PGAP1: variants seen among roughly 807,000 people sequenced by gnomAD.
PGAP1 encodes the protein GPI inositol-deacylase.
PGAP1 carries 76 observed loss-of-function variants against 127.0 expected under a neutral mutation model. That is an observed-to-expected ratio of 0.60 (90% CI 0.50 to 0.72). The LOEUF (loss-of-function observed/expected upper bound fraction) is 0.72. Among genes scored for constraint, PGAP1 ranks in the 30% least tolerant of loss-of-function variants. The probability of loss-of-function intolerance (pLI) is 0.00; values close to 1 mark genes in which losing one functional copy is unlikely to be tolerated. For missense variants in PGAP1, 982 were observed against 1,071.3 expected (o/e 0.92, Z 1.16); for synonymous variants, 362 against 366.5 (o/e 0.99, Z 0.14).
intron 18 of PGAP1, among the ~76,000 whole-genome samples, chr2:196,871,599 A>C (rs1437060836): frequency 4.6e-5 from 7 of 152,148 alleles, no homozygotes; most frequent in Non-Finnish European, 1.0e-4. Flanking sequence ...AAAACCCTGA[A>C]CTGTTAGAAA....
At chr2:196,882,440 C>T (rs1352872384) in intron 12 of PGAP1, among the ~76,000 whole-genome samples, 1 of 152,158 alleles carries the variant, frequency 6.6e-6, no homozygotes, top group Non-Finnish European at 1.5e-5. Context: ...TTGCTTTGGA[C>T]AGTATGGCCA....
At chr2:196,925,903 A>G (rs1456230012) in intron 1 of PGAP1, among the ~76,000 whole-genome samples, 2 of 152,114 alleles carry the variant, frequency 1.3e-5, no homozygotes, top group Non-Finnish European at 2.9e-5. Flanking sequence ...CCCATAGGCA[A>G]AACCCTGGAG....
rs1443272093 is a variant in PGAP1 at position 196,865,072 on chromosome 2, T to C, written c.1776A>G (p.Arg592=). 3.2e-6 allele frequency: 5 copies of C among 1,550,266 alleles called. No homozygotes were observed. The highest frequency in any genetic ancestry group is 4.3e-6 in the Non-Finnish European group (5 of 1,154,386). The change falls in exon 20 of 27, where the codon AGA becomes AGG. Residue 592 remains arginine (R), a synonymous_variant. Transcript: ENST00000354764. ...SFSQILGQVV[R]FHGGALPAYV... Reference sequence around the variant, plus strand: ...AAGCAGGAAGAGCTCCACCATGAAATCTAACTACCTAAAAAACAGGTAAGT... The same window carrying C: ...AAGCAGGAAGAGCTCCACCATGAAACCTAACTACCTAAAAAACAGGTAAGT...
chr2:196,881,552 A>G (rs1701732878), intron 12 of PGAP1, among the ~76,000 whole-genome samples: 1 of 152,160 alleles, frequency 6.6e-6, no homozygotes, highest in Non-Finnish European at 1.5e-5. Flanking sequence ...CTTTTTAATA[A>G]TAGCCATTCT....
chr2:196,926,010 G>C (rs1703347612), intron 1 of PGAP1, among the ~76,000 whole-genome samples: 1 of 152,074 alleles, frequency 6.6e-6, no homozygotes, highest in Non-Finnish European at 1.5e-5. Flanking sequence ...CAGATCACCG[G>C]GCGCGAGGGG....
intron 8 of PGAP1, 44 bp from the exon 9 acceptor site, chr2:196,892,445 A>G: frequency 2.4e-6 from 2 of 842,352 alleles, no homozygotes; most frequent in Non-Finnish European, 1.9e-6. Flanking sequence ...TTTTGTTTTT[A>G]TACTACATAG....
chr2:196,885,526 T>G (rs1203232041), intron 11 of PGAP1, 51 bp from the exon 12 acceptor site: 12 of 1,265,596 alleles, frequency 9.5e-6, no homozygotes, highest in Non-Finnish European at 1.4e-5. Flanking sequence ...ATGGAAGTAT[T>G]ACAAATTATA....
chr2:196,869,674 T>A (rs1249169595), intron 19 of PGAP1, among the ~76,000 whole-genome samples: 1 of 152,200 alleles, frequency 6.6e-6, no homozygotes. Context: ...CATGATGCTA[T>A]TTTCCAACTT....
intron 20 of PGAP1, among the ~76,000 whole-genome samples, chr2:196,848,729 T>A (rs1700631147): frequency 6.6e-6 from 1 of 152,230 alleles, no homozygotes; most frequent in Admixed American, 6.5e-5. Context: ...GGGTTGTTTC[T>A]GCTTTTTGGC....
Position 196,892,332 on chromosome 2 carries a change from G to A in PGAP1, c.1089+14C>T. 1 of 1,306,328 alleles carries A rather than the reference G, an allele frequency of 7.7e-7. No homozygotes were observed. The highest frequency in any genetic ancestry group is 1.1e-6 in the Non-Finnish European group (1 of 936,046). The allele number at this position is 1,306,328 out of a possible 1,614,324, so 80.9% of individuals were successfully genotyped here. On this transcript the variant is annotated intron_variant, in intron 9 of 26. Transcript: ENST00000354764. ...GAAAAAACATGAAAAAAAATCCATTGGTGGAATACTTACGTTGTAAGCTAC... is the reference window on the plus strand; with the variant it reads ...GAAAAAACATGAAAAAAAATCCATTAGTGGAATACTTACGTTGTAAGCTAC...
At chr2:196,844,728 C>A (rs1700509965) in intron 23 of PGAP1, among the ~76,000 whole-genome samples, 154 bp from the exon 24 acceptor site, 1 of 151,972 alleles carries the variant, frequency 6.6e-6, no homozygotes, top group East Asian at 1.9e-4. Context: ...TTATACAAAA[C>A]AACAACTACA....
rs1034927014 is a variant in PGAP1, at chr2:196,839,559, T to C, written c.*1675A>G. On this transcript the variant is annotated 3_prime_UTR_variant, in exon 27 of 27. Coordinates refer to ENST00000354764, the MANE Select transcript of PGAP1 (RefSeq NM_024989.4). ...TTTCCCTTTAATGTTCTCAGTAAGT[T>C]AAAATATGAATACTGAAAAACATGC... The C allele has an allele frequency of 1.3e-5, 2 of 152,136 alleles. No homozygotes were observed. Among genetic ancestry groups the C allele is most frequent in the African/African-American group, 4.8e-5 (2 of 41,410 alleles). 9.4% of individuals were successfully genotyped at this position (152,136 alleles called of 1,614,324 possible).
intron 1 of PGAP1, among the ~76,000 whole-genome samples, chr2:196,925,955 T>C (rs994550544): frequency 1.3e-5 from 2 of 151,938 alleles, no homozygotes; most frequent in Non-Finnish European, 2.9e-5. Flanking sequence ...CAATATACAC[T>C]CTGCAGACGC....
At chr2:196,926,329 C>T (rs1437573754) in intron 1 of PGAP1, 141 bp downstream of exon 1, 4 of 1,305,624 alleles carry the variant, frequency 3.1e-6, no homozygotes, top group African/African-American at 1.5e-5. Flanking sequence ...AGAGTCTCCC[C>T]GGGCGGAGAA....
chr2:196,872,536 T>C lies in PGAP1; in HGVS notation c.1633A>G (p.Thr545Ala). 1 of 1,609,436 alleles carries C rather than the reference T, an allele frequency of 6.2e-7. No individual in the cohort carries two copies. Among genetic ancestry groups the C allele is most frequent in the Non-Finnish European group, 8.5e-7 (1 of 1,175,830 alleles). The change falls in exon 18 of 27, where the codon ACA (threonine) becomes GCA (alanine). Residue 545 changes from threonine (T) to alanine (A), a missense_variant. By Grantham distance (58) the Thr-to-Ala change is moderately conservative. Transcript: ENST00000354764. ...SLTIAQAPSS[T>A]EISLKLHIAQ... ...ATATGGAGTTTCAGAGAAATTTCTG[T>C]GGAAGATGGAGCCCTGAAGAGATAA... is the stretch of plus-strand genomic sequence containing the variant.
intron 11 of PGAP1, 36 bp downstream of exon 11, chr2:196,885,798 T>C (rs781780174): frequency 5.2e-6 from 7 of 1,343,510 alleles, no homozygotes; most frequent in Admixed American, 5.7e-5. Context: ...GTATTGTTTA[T>C]GTTGAGATAA....
intron 20 of PGAP1, among the ~76,000 whole-genome samples, chr2:196,858,656 T>A (rs1273924953): frequency 6.6e-6 from 1 of 150,934 alleles, no homozygotes; most frequent in Non-Finnish European, 1.5e-5. Context: ...CCAAAATTAG[T>A]AGAAGGAATA....
intron 20 of PGAP1, among the ~76,000 whole-genome samples, chr2:196,860,675 A>G (rs1183171387): frequency 6.6e-6 from 1 of 152,234 alleles, no homozygotes; most frequent in Non-Finnish European, 1.5e-5. Flanking sequence ...AATGAGAGAA[A>G]CTGAAAAAGA....
In PGAP1 at chr2:196,842,752, C is replaced by A; in HGVS notation, c.2599G>T (p.Gly867Ter). Residue 867 changes from glycine to a stop codon, truncating the protein, a stop_gained, in exon 26 of 27, where the codon GGA (glycine) becomes TGA (stop). Transcript: ENST00000354764. LOFTEE classifies it high-confidence loss of function. ...FILIPTMAILGNTYTVSIKSS... is the reference protein window; with the variant it reads ...FILIPTMAIL ...TTTATTGAAACAGTGTAAGTATTTCCAAGAATTGCCATAGTCGGAATAAGG... is the reference window on the plus strand; with the variant it reads ...TTTATTGAAACAGTGTAAGTATTTCAAAGAATTGCCATAGTCGGAATAAGG... 6.3e-7 allele frequency: 1 copy of A among 1,579,036 alleles called. No homozygotes were observed. The highest frequency in any genetic ancestry group is 1.2e-5 in the South Asian group (1 of 86,430).
Sources: gnomAD v4.1 joint callset for allele counts (sites outside exome capture counted in the v4.1 genomes callset) on GRCh38, gnomAD v4.1.1 for gene constraint, MANE v1.5 for transcripts, NCBI Gene and HGNC (gene_info 2026-07-23, HGNC 2026-07-21) for gene names.